Variants in ERBB2 observed in about 807,000 individuals in gnomAD.
ERBB2 encodes receptor tyrosine-protein kinase erbB-2.
Under a neutral mutation model 149.0 loss-of-function variants are expected in ERBB2, and 61 were observed. That is an observed-to-expected ratio of 0.41 (90% confidence interval 0.33 to 0.51). The LOEUF (loss-of-function observed/expected upper bound fraction) is 0.51. ERBB2 is among the 20% of genes least tolerant of loss of function. ERBB2 has a pLI of 0.25. For missense variants in ERBB2, 1,205 were observed against 1,655.1 expected, an observed-to-expected ratio of 0.73 and a Z score of 4.72; for synonymous variants, 633 against 678.8, an observed-to-expected ratio of 0.93 and a Z score of 1.05.
intron 15 of ERBB2, 60 bp downstream of exon 15, chr17:39,717,540 G>T (rs1384153649): frequency 2.1e-6 from 3 of 1,449,218 alleles, no homozygotes; most frequent in Non-Finnish European, 2.8e-6. Context: ...TCTTTCTGGG[G>T]CTCTTACTAT....
intron 14 of ERBB2, chr17:39,717,051 C>T (rs778239401): frequency 6.9e-5 from 32 of 466,380 alleles, no homozygotes; most frequent in East Asian, 1.7e-4. Context: ...TGTTGTTACT[C>T]GCTGTTACAC....
chr17:39,719,748 T>C (rs764880431), intron 15 of ERBB2, 39 bp from the exon 16 acceptor site: 33 of 1,607,886 alleles, frequency 2.1e-5, no homozygotes, highest in Non-Finnish European at 2.6e-5. Flanking sequence ...CCCAAGAGGG[T>C]GGTTCCCAGA....
At chr17:39,720,945 G>A (rs1470837702) in intron 16 of ERBB2, among the ~76,000 whole-genome samples, 1 of 152,158 alleles carries the variant, frequency 6.6e-6, no homozygotes, top group Non-Finnish European at 1.5e-5. Context: ...ACCGTGCCCA[G>A]CCAGATACGC....
chr17:39,689,862 C>G (rs988766997), intron 2 of ERBB2, among the ~76,000 whole-genome samples: 1 of 148,640 alleles, frequency 6.7e-6, no homozygotes, highest in Non-Finnish European at 1.5e-5. Flanking sequence ...GCCAAGATTG[C>G]GCCATCGCAC....
rs2143303110 is a variant in ERBB2, at chr17:39,727,845, C to T, written c.3569C>T (p.Ala1190Val). The change falls in exon 27 of 27, where the codon GCC becomes GTC. Residue 1190 changes from alanine to valine, a missense_variant. By Grantham distance (64) the Ala-to-Val change is moderately conservative. Coordinates refer to ENST00000269571, the MANE Select transcript of ERBB2 (RefSeq NM_004448.4). The surrounding 1 kb of genome is among the most constrained non-coding windows in gnomAD (Gnocchi z 4.3). ...VVKDVFAFGG[A>V]VENPEYLTPQ... is the part of the protein sequence containing the mutation. ...AAAGACGTTTTTGCCTTTGGGGGTG[C>T]CGTGGAGAACCCCGAGTACTTGACA... 1.2e-6 allele frequency: 2 copies of T among 1,614,050 alleles called. No individual in the cohort carries two copies. The highest frequency in any genetic ancestry group is 1.7e-6 in the Non-Finnish European group (2 of 1,179,954).
chr17:39,705,679 G>A (rs968074579), intron 1 of ERBB2, among the ~76,000 whole-genome samples: 1 of 152,174 alleles, frequency 6.6e-6, no homozygotes, highest in Non-Finnish European at 1.5e-5. Context: ...AGGGAACCTG[G>A]GGGCTTGCCC....
At chr17:39,719,997 G>A in intron 16 of ERBB2, 163 bp downstream of exon 16, 1 of 680,416 alleles carries the variant, frequency 1.5e-6, no homozygotes, top group South Asian at 1.7e-5. Context: ...AGTGACAGAG[G>A]ACCTGCTCAG....
chr17:39,691,904 T>C (rs71383380), upstream of ERBB2, among the ~76,000 whole-genome samples: 2,672 of 113,114 alleles, frequency 0.024, 35 homozygotes, highest in African/African-American at 0.028. Context: ...GATATAGATA[T>C]ATATACATAT....
At chr17:39,710,292 A>T (rs2145513374) in intron 6 of ERBB2, 48 bp from the exon 7 acceptor site, 1 of 1,612,862 alleles carries the variant, frequency 6.2e-7, no homozygotes, top group South Asian at 1.1e-5. Context: ...TGCCCCTGGC[A>T]CACCAGGGCA....
chr17:39,695,261 G>A (rs188019031), upstream of ERBB2: 3 of 152,438 alleles, frequency 2.0e-5, no homozygotes, highest in East Asian at 5.7e-4. Context: ...TGGGGCCTGG[G>A]CCTGCATTCC....
upstream of ERBB2, among the ~76,000 whole-genome samples, chr17:39,691,574 T>TATATATATATATATAC (rs1244087250): frequency 4.1e-5 from 5 of 122,044 alleles, no homozygotes; most frequent in African/African-American, 2.0e-4. Context: ...TATATATATA[T>TATATATATATATATAC]ACACACACAC....
At position 39,716,728 on chromosome 17, in the gene ERBB2, C is replaced by T; in HGVS notation, c.1737+123C>T. Reference sequence around the variant, plus strand: ...TGGTAAAATATCCCTGGAGAGGGCTCAGCGCTCAGACCTGAACAGCAACAG... The same window carrying T: ...TGGTAAAATATCCCTGGAGAGGGCTTAGCGCTCAGACCTGAACAGCAACAG... On this transcript the variant is annotated intron_variant, in intron 14 of 26. Coordinates refer to ENST00000269571, the MANE Select transcript of ERBB2 (RefSeq NM_004448.4). 1.7e-5 allele frequency: 15 copies of T among 873,132 alleles called. No individual in the cohort carries two copies. In the South Asian group the frequency reaches 2.1e-4, roughly 12 times the overall value. The allele number at this position is 873,132 out of a possible 1,614,324, so 54.1% of individuals were successfully genotyped here.
chr17:39,727,130 A>C lies in ERBB2; in HGVS notation c.3159+127A>C. 8.1e-7 allele frequency: 1 copy of C among 1,236,464 alleles called. No homozygotes were observed. Among genetic ancestry groups the C allele is most frequent in the Non-Finnish European group, 1.1e-6 (1 of 886,210 alleles). The allele number at this position is 1,236,464 out of a possible 1,614,324, so 76.6% of individuals were successfully genotyped here. ...AGGAAACCCCATTATCCCTACAAAA[A>C]ATTCTTACTGCCTTCCAACCCCTGT... On this transcript the variant is annotated intron_variant, in intron 25 of 26. Coordinates refer to ENST00000269571, the MANE Select transcript of ERBB2 (RefSeq NM_004448.4). This position sits in a 1 kb window ranked among gnomAD's most constrained non-coding sequence, Gnocchi z 4.3.
In ERBB2 at chr17:39,726,205, G is replaced by T; in HGVS notation, c.2872+352G>T. On this transcript the variant is annotated intron_variant, in intron 23 of 26. Coordinates refer to ENST00000269571, the MANE Select transcript of ERBB2 (RefSeq NM_004448.4). This position sits in a 1 kb window ranked among gnomAD's most constrained non-coding sequence, Gnocchi z 5.1. ...AAAAATTATCTGGGTGTGGTGGTGT[G>T]TGCCAGTAGTCCCAGCTACTCAGGA... 1 of 409,154 alleles carries T rather than the reference G, an allele frequency of 2.4e-6. No individual in the cohort carries two copies. Among genetic ancestry groups the T allele is most frequent in the Non-Finnish European group, 4.4e-6 (1 of 225,662 alleles). 25.3% of individuals were successfully genotyped at this position (409,154 alleles called of 1,614,324 possible).
Position 39,727,858 on chromosome 17 carries a change from C to T in ERBB2, c.3582C>T (p.Pro1194=), listed in dbSNP as rs755767616. The T allele has an allele frequency of 2.2e-5, 35 of 1,613,984 alleles. No individual in the cohort carries two copies. The highest frequency in any genetic ancestry group is 3.3e-4 in the Middle Eastern group (2 of 6,084). The part of the protein sequence containing the change: ...VFAFGGAVEN[P]EYLTPQGGAA... ...CCTTTGGGGGTGCCGTGGAGAACCCCGAGTACTTGACACCCCAGGGAGGAG... is the reference window on the plus strand; with the variant it reads ...CCTTTGGGGGTGCCGTGGAGAACCCTGAGTACTTGACACCCCAGGGAGGAG... Residue 1194 remains proline (P), a synonymous_variant, in exon 27 of 27, where the codon CCC becomes CCT. Transcript: ENST00000269571. This position sits in a 1 kb window ranked among gnomAD's most constrained non-coding sequence, Gnocchi z 4.3.
intron 11 of ERBB2, 88 bp from the exon 12 acceptor site, chr17:39,715,652 C>A (rs2059076898): frequency 4.5e-6 from 7 of 1,560,472 alleles, no homozygotes; most frequent in Middle Eastern, 1.7e-4. Flanking sequence ...TGAAAGTCTG[C>A]AGAGTGTGCT....
Position 39,725,411 on chromosome 17 carries a change from T to TTG in ERBB2, c.2725+9_2725+10insTG. ...TGATGTGTGGAGTTATGGTGTGTGA[T>TTG]GGGGGGTGTTGGGAGGGGTGGGTGA... On this transcript the variant is annotated intron_variant, in intron 22 of 26. Coordinates refer to ENST00000269571, the MANE Select transcript of ERBB2 (RefSeq NM_004448.4). The surrounding 1 kb of genome is among the most constrained non-coding windows in gnomAD (Gnocchi z 4.6). The TTG allele has an allele frequency of 8.7e-7, 1 of 1,147,278 alleles. No individual in the cohort carries two copies. Among genetic ancestry groups the TTG allele is most frequent in the Non-Finnish European group, 1.3e-6 (1 of 798,036 alleles). 71.1% of individuals were successfully genotyped at this position (1,147,278 alleles called of 1,614,324 possible).
At chr17:39,697,062 G>T (rs772075931), upstream of ERBB2, among the ~76,000 whole-genome samples, 8 of 152,054 alleles carry the variant, frequency 5.3e-5, no homozygotes, top group African/African-American at 4.8e-5. Context: ...GAGAGTAAGG[G>T]GTCAGTTTTG....
chr17:39,710,592 A>C (rs920077062), intron 7 of ERBB2, 111 bp downstream of exon 7: 2 of 1,286,044 alleles, frequency 1.6e-6, no homozygotes, highest in African/African-American at 2.9e-5. Flanking sequence ...GCTGGTCATG[A>C]CAGTTCCTGC....
Sources: allele counts gnomAD v4.1 joint callset (sites outside exome capture counted in the v4.1 genomes callset), GRCh38; gene constraint gnomAD v4.1.1; non-coding constraint Gnocchi (gnomAD v3.1); transcripts MANE v1.5; gene names NCBI Gene and HGNC (gene_info 2026-07-23, HGNC 2026-07-21).